FHIT: variants seen among roughly 807,000 people sequenced by gnomAD.
FHIT encodes fragile histidine triad diadenosine triphosphatase.
FHIT carries 19 observed loss-of-function variants against 17.9 expected under a neutral mutation model. The observed-to-expected ratio is 1.06, with a 90% CI of 0.74 to 1.56. The LOEUF is 1.56. Among genes scored for constraint, FHIT ranks in the 40% most tolerant of loss-of-function variants. The pLI, the probability that FHIT is intolerant of heterozygous loss-of-function variation, is 0.00. For synonymous variants in FHIT, 81 were observed against 69.7 expected (o/e 1.16, Z -0.81); for missense variants, 248 against 189.2 (o/e 1.31, Z -1.82).
At chr3:60,932,514 C>G (rs1394261243) in intron 3 of FHIT, among the ~76,000 whole-genome samples, 3 of 152,110 alleles carry the variant, frequency 2.0e-5, no homozygotes, top group Non-Finnish European at 4.4e-5. Flanking sequence ...TATCTATTCC[C>G]CATTTCCTCT....
chr3:61,180,242 A>G (rs1455008943), intron 2 of FHIT, among the ~76,000 whole-genome samples: 1 of 152,186 alleles, frequency 6.6e-6, no homozygotes, highest in African/African-American at 2.4e-5. Context: ...AAATTCCAGA[A>G]AATGTTTGCT....
At chr3:60,900,926 T>C (rs779056127) in intron 3 of FHIT, among the ~76,000 whole-genome samples, 97 of 152,134 alleles carry the variant, frequency 6.4e-4, no homozygotes, top group Non-Finnish European at 1.3e-3. Flanking sequence ...TACAGGTGCA[T>C]GCCACCACGC....
chr3:59,885,911 A>G (rs185039557), intron 8 of FHIT, among the ~76,000 whole-genome samples: 65 of 152,318 alleles, frequency 4.3e-4, no homozygotes, highest in Middle Eastern at 3.4e-3. Flanking sequence ...CACATTTGCT[A>G]GTTTTTCTTG....
At chr3:60,707,847 T>A (rs9827312) in intron 4 of FHIT, among the ~76,000 whole-genome samples, 16,916 of 152,200 alleles carry the variant, frequency 0.11, 2,055 homozygotes, top group African/African-American at 0.3. Context: ...CCAGCAAAAT[T>A]TATCATGATG....
chr3:59,956,028 G>A (rs1417376723), intron 7 of FHIT, among the ~76,000 whole-genome samples: 1 of 152,130 alleles, frequency 6.6e-6, no homozygotes, highest in Non-Finnish European at 1.5e-5. Flanking sequence ...AACTTCTCCA[G>A]GATCTACTCA....
chr3:60,394,291 A>C (rs1701348265), intron 5 of FHIT, among the ~76,000 whole-genome samples: 1 of 152,178 alleles, frequency 6.6e-6, no homozygotes, highest in Non-Finnish European at 1.5e-5. Flanking sequence ...TTCTATTGAG[A>C]AACAGATCAA....
At chr3:59,969,369 C>T (rs1324675594) in intron 7 of FHIT, among the ~76,000 whole-genome samples, 1 of 152,084 alleles carries the variant, frequency 6.6e-6, no homozygotes, top group Non-Finnish European at 1.5e-5. Context: ...TCAAAGAAAG[C>T]TTCTATCCAT....
intron 5 of FHIT, among the ~76,000 whole-genome samples, chr3:60,529,818 G>T (rs890861360): frequency 6.6e-6 from 1 of 152,142 alleles, no homozygotes; most frequent in African/African-American, 2.4e-5. Context: ...GTGTTGTCTA[G>T]ATACATATAA....
intron 8 of FHIT, among the ~76,000 whole-genome samples, chr3:59,845,800 GT>G (rs1227434525): frequency 6.6e-6 from 1 of 152,092 alleles, no homozygotes; most frequent in Non-Finnish European, 1.5e-5. Context: ...CTGGTTTACT[GT>G]TTTGTTCAAG....
intron 4 of FHIT, among the ~76,000 whole-genome samples, chr3:60,560,605 A>G (rs1394908350): frequency 1.3e-5 from 2 of 152,014 alleles, no homozygotes; most frequent in African/African-American, 4.8e-5. Flanking sequence ...GAGGTTGAAA[A>G]TGGAAATGGG....
intron 4 of FHIT, among the ~76,000 whole-genome samples, chr3:60,757,935 C>T (rs781945752): frequency 5.9e-5 from 9 of 152,182 alleles, no homozygotes; most frequent in Non-Finnish European, 1.2e-4. Context: ...TCTGGATCTG[C>T]CCTCCACCCT....
At chr3:60,972,587 ATC>A (rs1223757795) in intron 3 of FHIT, among the ~76,000 whole-genome samples, 1 of 151,826 alleles carries the variant, frequency 6.6e-6, no homozygotes, top group Non-Finnish European at 1.5e-5. Flanking sequence ...AGTTTCTTGA[ATC>A]CATGGCTTGA....
intron 5 of FHIT, among the ~76,000 whole-genome samples, chr3:60,441,796 A>G (rs367670279): frequency 0.45 from 29,517 of 65,858 alleles, 6,062 homozygotes; most frequent in Middle Eastern, 0.58. Context: ...ATATATATAT[A>G]TATATATATA....
At chr3:59,786,858 T>A (rs1311285729) in intron 8 of FHIT, among the ~76,000 whole-genome samples, 3 of 152,236 alleles carry the variant, frequency 2.0e-5, no homozygotes, top group African/African-American at 7.2e-5. Context: ...GAACACCTCA[T>A]TGAAGAAATC....
chr3:61,194,717 T>A (rs180702730), intron 2 of FHIT, among the ~76,000 whole-genome samples: 3 of 152,260 alleles, frequency 2.0e-5, no homozygotes, highest in African/African-American at 7.2e-5. Flanking sequence ...GATTCCCAAA[T>A]AATACAAAAG....
At chr3:60,624,903 T>TTTTGTTTG (rs3037236) in intron 4 of FHIT, among the ~76,000 whole-genome samples, 2 of 149,932 alleles carry the variant, frequency 1.3e-5, no homozygotes, top group Admixed American at 6.6e-5. Context: ...TAGTTTTTTT[T>TTTTGTTTG]TTTGTTTGTT....
intron 5 of FHIT, among the ~76,000 whole-genome samples, chr3:60,401,981 G>A (rs1387211127): frequency 6.6e-6 from 1 of 152,090 alleles, no homozygotes; most frequent in African/African-American, 2.4e-5. Context: ...AATGATGGCA[G>A]CCTTTAAAAT....
intron 8 of FHIT, among the ~76,000 whole-genome samples, chr3:59,867,230 G>C (rs192523970): frequency 1.1e-5 from 1 of 88,638 alleles, no homozygotes. Flanking sequence ...GAAGATCACC[G>C]ACATTCTCTT....
rs538808706 is a variant in FHIT at position 60,220,988 on chromosome 3, C to T, written c.104-206836G>A. ...CAGCATGTGTCATTATGGCTCCTGGCGGCTATTAAAAGGGTGGGCTAGCAA... is the reference window on the plus strand; with the variant it reads ...CAGCATGTGTCATTATGGCTCCTGGTGGCTATTAAAAGGGTGGGCTAGCAA... On this transcript the variant is annotated intron_variant, in intron 5 of 9. Coordinates refer to ENST00000492590, the MANE Select transcript of FHIT (RefSeq NM_002012.4). Among the ~76,000 whole-genome samples, 10 of 152,140 alleles carry T rather than the reference C, an allele frequency of 6.6e-5. No homozygotes were observed. In the South Asian group the frequency reaches 1.0e-3, roughly 16 times the overall value.
Sources: gnomAD v4.1 joint callset for allele counts (sites outside exome capture counted in the v4.1 genomes callset) on GRCh38, gnomAD v4.1.1 for gene constraint, MANE v1.5 for transcripts, NCBI Gene and HGNC (gene_info 2026-07-23, HGNC 2026-07-21) for gene names.